Variants in WWOX observed in about 807,000 individuals in gnomAD.
WWOX encodes WW domain containing oxidoreductase, also known as WW domain-containing oxidoreductase.
Under a neutral mutation model 46.2 loss-of-function variants are expected in WWOX, and 69 were observed. That is an observed-to-expected ratio of 1.49 (90% CI 1.23 to 1.82). WWOX has a LOEUF of 1.82. Among genes scored for constraint, WWOX ranks in the 40% most tolerant of loss-of-function variants. WWOX has a pLI of 0.00. For missense variants in WWOX, 919 were observed against 542.6 expected, an observed-to-expected ratio of 1.69 and a Z score of -6.89; for synonymous variants, 359 against 202.6, an observed-to-expected ratio of 1.77 and a Z score of -6.56.
At chr16:78,459,353 C>T (rs774445113) in intron 8 of WWOX, among the ~76,000 whole-genome samples, 9 of 152,276 alleles carry the variant, frequency 5.9e-5, no homozygotes, top group African/African-American at 1.9e-4. Context: ...AATAAATGCC[C>T]TTTTCTTGCA....
chr16:78,994,969 CTTTTTT>C (rs869088414), intron 8 of WWOX, among the ~76,000 whole-genome samples: 20 of 114,622 alleles, frequency 1.7e-4, no homozygotes, highest in Admixed American at 8.1e-4. Flanking sequence ...TCTTCTTCTT[CTTTTTT>C]TTTTTTTTTT....
chr16:78,521,589 T>G (rs537959351), intron 8 of WWOX, among the ~76,000 whole-genome samples: 1 of 152,352 alleles, frequency 6.6e-6, no homozygotes, highest in South Asian at 2.1e-4. Flanking sequence ...AGTTGATGAA[T>G]TAAATACGCT....
intron 8 of WWOX, among the ~76,000 whole-genome samples, chr16:78,977,964 G>T (rs2046606077): frequency 1.1e-5 from 1 of 93,158 alleles, no homozygotes; most frequent in Non-Finnish European, 2.6e-5. Context: ...TCACAATGGT[G>T]TGTAAATACC....
At chr16:78,428,141 C>A (rs1439196421) in intron 7 of WWOX, among the ~76,000 whole-genome samples, 1 of 152,154 alleles carries the variant, frequency 6.6e-6, no homozygotes, top group Non-Finnish European at 1.5e-5. Flanking sequence ...GGCGGGGGTC[C>A]CCCTACAAAG....
intron 8 of WWOX, among the ~76,000 whole-genome samples, chr16:78,888,541 C>T (rs769628233): frequency 1.3e-5 from 2 of 152,180 alleles, no homozygotes; most frequent in Non-Finnish European, 2.9e-5. Context: ...CCCTGTCTTC[C>T]AGAACTCAAA....
At chr16:78,987,751 C>T (rs993223889) in intron 8 of WWOX, among the ~76,000 whole-genome samples, 5 of 152,168 alleles carry the variant, frequency 3.3e-5, no homozygotes, top group Non-Finnish European at 5.9e-5. Flanking sequence ...CCCAAACTCT[C>T]TGTGTCCTTT....
chr16:78,647,173 C>A (rs190661714), intron 8 of WWOX, among the ~76,000 whole-genome samples: 2 of 152,280 alleles, frequency 1.3e-5, no homozygotes, highest in Admixed American at 1.3e-4. Context: ...GAATCAGCCT[C>A]TGGGAATCAC....
At chr16:78,652,408 C>CAAAAAAAA (rs747993811) in intron 8 of WWOX, among the ~76,000 whole-genome samples, 8 of 107,460 alleles carry the variant, frequency 7.4e-5, no homozygotes, top group African/African-American at 1.4e-4. Flanking sequence ...GACTCCGTCT[C>CAAAAAAAA]AAAAAAAAAA....
chr16:78,698,384 C>CG (rs2048144738), intron 8 of WWOX, among the ~76,000 whole-genome samples: 1 of 152,148 alleles, frequency 6.6e-6, no homozygotes, highest in African/African-American at 2.4e-5. Flanking sequence ...ACAGAGGTTT[C>CG]GCTACATTTT....
intron 8 of WWOX, among the ~76,000 whole-genome samples, chr16:78,980,505 G>A (rs1391885824): frequency 6.6e-6 from 1 of 152,128 alleles, no homozygotes. Context: ...TTGACTGCCT[G>A]GCAATCCAGT....
intron 8 of WWOX, among the ~76,000 whole-genome samples, chr16:78,603,934 GA>G (rs1242643980): frequency 6.6e-6 from 1 of 152,010 alleles, no homozygotes; most frequent in South Asian, 2.1e-4. Flanking sequence ...TTGAGCCTAG[GA>G]GTTCAAGATC....
chr16:78,781,911 T>C (rs2050336075), intron 8 of WWOX, among the ~76,000 whole-genome samples: 1 of 152,218 alleles, frequency 6.6e-6, no homozygotes, highest in African/African-American at 2.4e-5. Flanking sequence ...GGTCTTTACA[T>C]GTAAAAACAA....
intron 8 of WWOX, among the ~76,000 whole-genome samples, chr16:78,819,157 C>T (rs2051424472): frequency 6.6e-6 from 1 of 152,200 alleles, no homozygotes; most frequent in Admixed American, 6.5e-5. Context: ...CTGTTCAGTT[C>T]ACTTCTTTTG....
intron 6 of WWOX, among the ~76,000 whole-genome samples, chr16:78,409,962 C>T (rs1434007608): frequency 1.3e-5 from 2 of 152,228 alleles, no homozygotes; most frequent in Non-Finnish European, 2.9e-5. Flanking sequence ...GCATGTTTTT[C>T]TCCTGCACAT....
intron 8 of WWOX, among the ~76,000 whole-genome samples, chr16:79,075,870 T>C (rs1416876330): frequency 3.3e-5 from 5 of 152,224 alleles, no homozygotes. Context: ...ATTAAGTTAT[T>C]TTTCAGAATT....
At chr16:78,422,949 G>C (rs2082987131) in intron 6 of WWOX, among the ~76,000 whole-genome samples, 1 of 148,552 alleles carries the variant, frequency 6.7e-6, no homozygotes, top group Admixed American at 6.8e-5. Context: ...GCAGTGACAT[G>C]ATCTCTGCTC....
At chr16:78,640,377 C>T (rs941358872) in intron 8 of WWOX, among the ~76,000 whole-genome samples, 2 of 151,902 alleles carry the variant, frequency 1.3e-5, no homozygotes, top group Non-Finnish European at 2.9e-5. Context: ...CCGCTCTGAG[C>T]TAGAATCCTG....
At chr16:79,141,389 C>T (rs974437828) in intron 8 of WWOX, among the ~76,000 whole-genome samples, 1 of 152,188 alleles carries the variant, frequency 6.6e-6, no homozygotes, top group Admixed American at 6.5e-5. Flanking sequence ...TCAGGCCCTC[C>T]TGAGGCTGTG....
chr16:78,805,793 T>C (rs1597643156), intron 8 of WWOX, among the ~76,000 whole-genome samples: 1 of 152,352 alleles, frequency 6.6e-6, no homozygotes, highest in East Asian at 1.9e-4. Flanking sequence ...GTTTTGTTTT[T>C]GTTTCTGTTT....
Sources: allele counts gnomAD v4.1 joint callset (sites outside exome capture counted in the v4.1 genomes callset), GRCh38; gene constraint gnomAD v4.1.1; transcripts MANE v1.5; gene names NCBI Gene and HGNC (gene_info 2026-07-23, HGNC 2026-07-21).